The following INSL6 variants were observed in gnomAD, a reference collection of about 807,000 sequenced individuals.
INSL6 encodes insulin-like peptide INSL6.
Under a neutral mutation model 9.4 loss-of-function variants are expected in INSL6, and 16 were observed. The observed-to-expected ratio is 1.70, with a 90% CI of 1.15 to 2.59. INSL6 has a LOEUF of 2.59. INSL6 is among the 30% of genes most tolerant of loss of function. INSL6 has a pLI of 0.00. For synonymous variants in INSL6, 154 were observed against 96.9 expected, an observed-to-expected ratio of 1.59 and a Z score of -3.46; for missense variants, 391 against 257.3, an observed-to-expected ratio of 1.52 and a Z score of -3.56.
chr9:5,043,206 G>T, the INSL6 span, among the ~76,000 whole-genome samples: 4 of 152,242 alleles, frequency 2.6e-5, no homozygotes, highest in African/African-American at 7.2e-5. Context: ...GCTTGAGGCA[G>T]TGCCCAGGGC....
At chr9:5,096,672 A>C in the INSL6 span, 1 of 152,136 alleles carries the variant, frequency 6.6e-6, no homozygotes, top group Non-Finnish European at 1.5e-5. Flanking sequence ...ACTTATGTTC[A>C]TCAATTGTTG....
At chr9:5,183,514 C>A (rs1447214572) in intron 1 of INSL6, among the ~76,000 whole-genome samples, 1 of 152,184 alleles carries the variant, frequency 6.6e-6, no homozygotes, top group African/African-American at 2.4e-5. Flanking sequence ...GGATCATTAA[C>A]AAGCTGAGTT....
At position 5,185,569 on chromosome 9, in the gene INSL6, G is replaced by A. The variant is rs35211475; in HGVS notation, c.34C>T (p.Leu12Phe). The A allele has an allele frequency of 6.2e-7, 1 of 1,613,792 alleles. No individual in the cohort carries two copies. The highest frequency in any genetic ancestry group is 1.3e-5 in the African/African-American group (1 of 74,936). Residue 12 changes from leucine to phenylalanine, a missense_variant, in exon 1 of 2, where the codon CTT becomes TTT. Leu to Phe is a conservative substitution (Grantham distance 22). Transcript: ENST00000381641. Reference sequence around the variant, plus strand: ...GAAAACCGAACCAGCAGGAGTCCAAGCCACAGCAGGGACAAGCGGAGGAGC... The same window carrying A: ...GAAAACCGAACCAGCAGGAGTCCAAACCACAGCAGGGACAAGCGGAGGAGC... ...PRLLRLSLLW[L>F]GLLLVRFSRE...
At chr9:5,055,697 ATAT>A in the INSL6 span, 1 of 1,584,300 alleles carries the variant, frequency 6.3e-7, no homozygotes, top group Non-Finnish European at 8.7e-7. Flanking sequence ...GATTTTCCTA[ATAT>A]TATTGATGTC....
At chr9:5,127,486 G>C (rs1290311995) in intron 3 of INSL6, 1 of 230,972 alleles carries the variant, frequency 4.3e-6, no homozygotes, top group Non-Finnish European at 8.6e-6. Flanking sequence ...AATACATTTT[G>C]AAATGAAACA....
chr9:5,038,651 C>T, the INSL6 span, among the ~76,000 whole-genome samples: 2 of 149,450 alleles, frequency 1.3e-5, no homozygotes, highest in Admixed American at 6.7e-5. Flanking sequence ...GCTGGTTGAA[C>T]ATACCTAATA....
At chr9:5,148,715 T>C (rs1824650827) in intron 2 of INSL6, among the ~76,000 whole-genome samples, 1 of 152,158 alleles carries the variant, frequency 6.6e-6, no homozygotes, top group Non-Finnish European at 1.5e-5. Flanking sequence ...AGCTGCAGAC[T>C]GCAGCCCTGG....
chr9:5,036,307 T>A, the INSL6 span, among the ~76,000 whole-genome samples: 3 of 152,160 alleles, frequency 2.0e-5, no homozygotes, highest in Non-Finnish European at 2.9e-5. Flanking sequence ...CTGCCCAAAG[T>A]CCTTTATGGA....
the INSL6 span, among the ~76,000 whole-genome samples, chr9:5,118,722 A>C: frequency 6.6e-6 from 1 of 152,220 alleles, no homozygotes; most frequent in Non-Finnish European, 1.5e-5. Context: ...TTTTGTTATA[A>C]TAGTATCATT....
chr9:5,089,653 C>T, the INSL6 span: 7 of 1,266,288 alleles, frequency 5.5e-6, no homozygotes, highest in African/African-American at 6.2e-5. Context: ...TATTTCCATC[C>T]TAATGTGATG....
chr9:5,066,814 G>C, the INSL6 span: 36 of 1,042,728 alleles, frequency 3.5e-5, no homozygotes, highest in Admixed American at 8.9e-4. Context: ...CTTATTAGTG[G>C]TAACACTTTA....
At chr9:5,111,962 C>T in the INSL6 span, 1 of 349,952 alleles carries the variant, frequency 2.9e-6, no homozygotes, top group South Asian at 2.2e-5. Flanking sequence ...GGTCCAGCCC[C>T]TCCACCGCCG....
the INSL6 span, among the ~76,000 whole-genome samples, chr9:5,038,744 C>T: frequency 3.6e-3 from 546 of 152,004 alleles, 3 homozygotes; most frequent in African/African-American, 0.013. Context: ...AATTTTGGAG[C>T]ATTTCGGATT....
the INSL6 span, among the ~76,000 whole-genome samples, chr9:5,095,676 G>A: frequency 7.9e-5 from 12 of 151,982 alleles, no homozygotes; most frequent in East Asian, 3.8e-4. Context: ...CAATAAACAC[G>A]ACCAGTCTCC....
the INSL6 span, chr9:5,089,759 A>G: frequency 3.1e-6 from 5 of 1,593,570 alleles, no homozygotes; most frequent in South Asian, 3.4e-5. Flanking sequence ...AAGCTTCAGC[A>G]TAGTACTGAA....
chr9:5,112,847 T>A, the INSL6 span: 1 of 500,724 alleles, frequency 2.0e-6, no homozygotes, highest in Non-Finnish European at 3.2e-6. Context: ...TGGGCACGTG[T>A]GAAAGGTACG....
chr9:5,008,537 G>T, the INSL6 span, among the ~76,000 whole-genome samples: 1 of 152,154 alleles, frequency 6.6e-6, no homozygotes, highest in Non-Finnish European at 1.5e-5. Context: ...GCAGCACTAA[G>T]GGCCCATTTG....
chr9:5,128,739 A>C (rs75826419), intron 3 of INSL6, among the ~76,000 whole-genome samples: 6 of 151,880 alleles, frequency 4.0e-5, no homozygotes, highest in Non-Finnish European at 5.9e-5. Context: ...GAGGCTTCGT[A>C]AAGTTTTCCA....
the INSL6 span, among the ~76,000 whole-genome samples, chr9:5,076,836 C>G: frequency 8.6e-4 from 131 of 152,172 alleles, no homozygotes; most frequent in African/African-American, 3.0e-3. Flanking sequence ...GGTTTGGAAC[C>G]TGTTATATGG....
Sources: gnomAD v4.1 joint callset for allele counts (sites outside exome capture counted in the v4.1 genomes callset) on GRCh38, gnomAD v4.1.1 for gene constraint, MANE v1.5 for transcripts, NCBI Gene and HGNC (gene_info 2026-07-23, HGNC 2026-07-21) for gene names.